The following MACROD2 variants were observed in gnomAD, a reference collection of about 807,000 sequenced individuals.
The protein encoded by MACROD2 is mono-ADP ribosylhydrolase 2, also known as ADP-ribose glycohydrolase MACROD2.
A neutral mutation model predicts 70.4 loss-of-function variants in MACROD2; 36 were observed. The observed-to-expected ratio is 0.51, with a 90% CI of 0.39 to 0.68. MACROD2 has a LOEUF of 0.68. Among genes scored for constraint, MACROD2 ranks in the 30% least tolerant of loss-of-function variants. MACROD2 has a pLI of 0.00. For synonymous variants in MACROD2, 172 were observed against 178.8 expected, an observed-to-expected ratio of 0.96 and a Z score of 0.30; for missense variants, 496 against 538.4, an observed-to-expected ratio of 0.92 and a Z score of 0.78.
chr20:15,614,752 A>G (rs12626138), intron 8 of MACROD2, among the ~76,000 whole-genome samples: 8,745 of 152,232 alleles, frequency 0.057, 404 homozygotes, highest in African/African-American at 0.12. Context: ...TTAAAGAACC[A>G]GGACTCAGAT....
intron 5 of MACROD2, among the ~76,000 whole-genome samples, chr20:14,857,515 A>G (rs1165212865): frequency 6.6e-6 from 1 of 152,180 alleles, no homozygotes; most frequent in Non-Finnish European, 1.5e-5. Flanking sequence ...GCAAATTTCT[A>G]TAGTTGAAGT....
intron 5 of MACROD2, among the ~76,000 whole-genome samples, chr20:14,933,211 G>C (rs763615340): frequency 6.6e-6 from 1 of 151,706 alleles, no homozygotes; most frequent in African/African-American, 2.4e-5. Flanking sequence ...ATAAGATTGA[G>C]GTCTTATTCA....
intron 3 of MACROD2, among the ~76,000 whole-genome samples, chr20:14,345,996 A>C (rs1294461200): frequency 2.1e-5 from 3 of 145,418 alleles, no homozygotes. Context: ...TGGGAGGCTG[A>C]GGCAGGAGAA....
At chr20:14,102,249 G>A (rs1259353912) in intron 3 of MACROD2, among the ~76,000 whole-genome samples, 1 of 151,930 alleles carries the variant, frequency 6.6e-6, no homozygotes, top group Non-Finnish European at 1.5e-5. Flanking sequence ...TGATCTGCCC[G>A]CCTCAGCCTC....
rs976000325 is a variant in MACROD2, at chr20:15,409,467, ATTTG to A, written c.541-21933_541-21930del. 1.2e-3 allele frequency among the ~76,000 whole-genome samples: 176 copies of A among 152,342 alleles called. 3 individuals are homozygous for A. Among genetic ancestry groups the A allele is most frequent in the Admixed American group, 0.011 (167 of 15,306 alleles). ...GAAAAAAGCAATACGAGAAAGGATT[ATTTG>A]TTTGCATCTGTAAGAGGATAAAGAT... is the stretch of plus-strand genomic sequence containing the variant. On this transcript the variant is annotated intron_variant, in intron 6 of 17. Coordinates refer to ENST00000684519, the MANE Select transcript of MACROD2 (RefSeq NM_001351661.2).
chr20:14,071,830 G>C (rs998592073), intron 2 of MACROD2, among the ~76,000 whole-genome samples: 2 of 151,984 alleles, frequency 1.3e-5, no homozygotes, highest in African/African-American at 2.4e-5. Flanking sequence ...AGCACTTTTG[G>C]AGGCCAAGGC....
chr20:14,636,197 T>G (rs141669695), intron 4 of MACROD2, among the ~76,000 whole-genome samples: 8 of 152,274 alleles, frequency 5.3e-5, no homozygotes, highest in Non-Finnish European at 7.4e-5. Flanking sequence ...AATAGGAGTT[T>G]AGCTTCATTT....
chr20:15,101,579 T>G (rs867196203), intron 5 of MACROD2, among the ~76,000 whole-genome samples: 31 of 127,584 alleles, frequency 2.4e-4, no homozygotes, highest in Admixed American at 7.2e-4. Context: ...GCACTAAACA[T>G]TTTGCTTTTC....
intron 12 of MACROD2, among the ~76,000 whole-genome samples, chr20:15,947,709 A>G (rs2065844069): frequency 6.6e-6 from 1 of 152,168 alleles, no homozygotes; most frequent in South Asian, 2.1e-4. Context: ...TTGTTTAATC[A>G]AAAGGAATAA....
At chr20:15,794,706 C>T (rs1432284451) in intron 8 of MACROD2, among the ~76,000 whole-genome samples, 1 of 152,148 alleles carries the variant, frequency 6.6e-6, no homozygotes, top group Non-Finnish European at 1.5e-5. Flanking sequence ...AAATTGATTG[C>T]AAGTGGAGGA....
intron 6 of MACROD2, among the ~76,000 whole-genome samples, chr20:15,306,190 C>A (rs1225324367): frequency 6.6e-6 from 1 of 152,162 alleles, no homozygotes; most frequent in Non-Finnish European, 1.5e-5. Context: ...ATGCTAACTA[C>A]TGATAGGTAT....
intron 3 of MACROD2, among the ~76,000 whole-genome samples, chr20:14,478,058 A>G (rs2123063309): frequency 6.6e-6 from 1 of 152,296 alleles, no homozygotes; most frequent in South Asian, 2.1e-4. Flanking sequence ...GGTAAAGATT[A>G]GCATGCAGGA....
chr20:15,643,611 G>A (rs149710369), intron 8 of MACROD2, among the ~76,000 whole-genome samples: 2 of 152,318 alleles, frequency 1.3e-5, no homozygotes, highest in Admixed American at 6.5e-5. Flanking sequence ...CAAGGAGAAG[G>A]TTTGAAACAG....
At chr20:14,855,756 TA>T (rs1568835301) in intron 5 of MACROD2, among the ~76,000 whole-genome samples, 1 of 151,954 alleles carries the variant, frequency 6.6e-6, no homozygotes, top group African/African-American at 2.4e-5. Context: ...GAAACGAGAC[TA>T]AATTCTCATA....
chr20:15,206,719 A>ATTTTTTTTTTTT (rs1568636094), intron 5 of MACROD2, among the ~76,000 whole-genome samples: 1 of 48,130 alleles, frequency 2.1e-5, no homozygotes, highest in Non-Finnish European at 3.9e-5. Flanking sequence ...CATATTATCT[A>ATTTTTTTTTTTT]TGTTTTTTTT....
intron 4 of MACROD2, among the ~76,000 whole-genome samples, chr20:14,672,087 G>A (rs2070801993): frequency 6.6e-6 from 1 of 152,164 alleles, no homozygotes; most frequent in Non-Finnish European, 1.5e-5. Flanking sequence ...ATGAATATCT[G>A]TGTAACAAAC....
chr20:15,981,295 C>T (rs924853948), intron 13 of MACROD2, among the ~76,000 whole-genome samples: 1 of 152,200 alleles, frequency 6.6e-6, no homozygotes, highest in African/African-American at 2.4e-5. Flanking sequence ...GTAATTGGAA[C>T]TCCACCATGT....
rs556812493 is a variant in MACROD2 at position 14,416,698 on chromosome 20, G to A, written c.272-76781G>A. Among the ~76,000 whole-genome samples, 15 of 152,170 alleles carry A rather than the reference G, an allele frequency of 9.9e-5. No homozygotes were observed. The East Asian group carries it at 1.5e-3, about 16-fold the overall frequency. ...TCATGTTTCAATAGATATTGATTGA[G>A]TACCCACTATGTGCCAGGCAATAAA... is the stretch of plus-strand genomic sequence containing the variant. On this transcript the variant is annotated intron_variant, in intron 3 of 17. Coordinates refer to ENST00000684519, the MANE Select transcript of MACROD2 (RefSeq NM_001351661.2).
intron 8 of MACROD2, among the ~76,000 whole-genome samples, chr20:15,850,023 G>T (rs1339123644): frequency 6.6e-6 from 1 of 152,196 alleles, no homozygotes; most frequent in Non-Finnish European, 1.5e-5. Context: ...GTGAGAAGAT[G>T]AATTACATTG....
Sources: gnomAD v4.1 joint callset for allele counts (sites outside exome capture counted in the v4.1 genomes callset) on GRCh38, gnomAD v4.1.1 for gene constraint, MANE v1.5 for transcripts, NCBI Gene and HGNC (gene_info 2026-07-23, HGNC 2026-07-21) for gene names.